The following YWHAE variants were observed in gnomAD, a reference collection of about 807,000 sequenced individuals.
The protein encoded by YWHAE is tyrosine 3-monooxygenase/tryptophan 5-monooxygenase activation protein epsilon, also known as 14-3-3 protein epsilon.
A neutral mutation model predicts 30.1 loss-of-function variants in YWHAE; 4 were observed. The observed-to-expected ratio is 0.13, with a 90% CI of 0.07 to 0.30. YWHAE has a LOEUF of 0.30. Among genes scored for constraint, YWHAE ranks in the 10% least tolerant of loss-of-function variants. The pLI is 1.00. For missense variants in YWHAE, 121 were observed against 315.9 expected, an observed-to-expected ratio of 0.38 and a Z score of 4.68; for synonymous variants, 118 against 111.8, an observed-to-expected ratio of 1.06 and a Z score of -0.35.
intron 1 of YWHAE, among the ~76,000 whole-genome samples, chr17:1,384,561 C>T (rs923037802): frequency 3.3e-5 from 5 of 151,848 alleles, no homozygotes; most frequent in Admixed American, 2.0e-4. Context: ...GGCATGGTGG[C>T]AGGCACCTGT....
intron 1 of YWHAE, among the ~76,000 whole-genome samples, chr17:1,375,785 G>A (rs772383200): frequency 2.6e-5 from 4 of 152,190 alleles, no homozygotes; most frequent in Non-Finnish European, 5.9e-5. Flanking sequence ...GCTGCCAGTA[G>A]AGTCACAAGT....
chr17:1,350,564 C>T (rs750013476), intron 5 of YWHAE, among the ~76,000 whole-genome samples: 4 of 151,856 alleles, frequency 2.6e-5, no homozygotes, highest in Non-Finnish European at 5.9e-5. Flanking sequence ...GTCTCAGCCT[C>T]CTGAGTAGCA....
At chr17:1,363,097 T>A (rs1331421953) in intron 2 of YWHAE, among the ~76,000 whole-genome samples, 1 of 152,140 alleles carries the variant, frequency 6.6e-6, no homozygotes, top group Non-Finnish European at 1.5e-5. Flanking sequence ...AGTTCTTTGC[T>A]CTCTACTCCT....
intron 1 of YWHAE, among the ~76,000 whole-genome samples, chr17:1,398,359 T>G (rs1222926471): frequency 2.1e-5 from 3 of 144,464 alleles, no homozygotes; most frequent in African/African-American, 5.0e-5. Flanking sequence ...GGAACCTTGT[T>G]GAATACAAAT....
rs564867116 is a variant in YWHAE at position 1,394,964 on chromosome 17, C to CA, written c.64+5082dup. ...CCTAGGTGACAGAGCAAGACTGTCT[C>CA]AAAAAAATAAATAAAAATAAAACTG... On this transcript the variant is annotated intron_variant, in intron 1 of 5. Transcript: ENST00000264335. Among the ~76,000 whole-genome samples the CA allele has an allele frequency of 4.1e-3, 617 of 151,738 alleles. 1 individual carries two copies. Among genetic ancestry groups the CA allele is most frequent in the African/African-American group, 0.014 (561 of 41,372 alleles).
chr17:1,367,890 A>G (rs1459095001), intron 1 of YWHAE, among the ~76,000 whole-genome samples: 1 of 152,200 alleles, frequency 6.6e-6, no homozygotes, highest in Non-Finnish European at 1.5e-5. Flanking sequence ...AGAATTGTAC[A>G]TGTAAAAGTG....
intron 3 of YWHAE, 88 bp from the exon 4 acceptor site, chr17:1,361,386 ATAT>A: frequency 2.7e-6 from 3 of 1,109,626 alleles, no homozygotes; most frequent in Non-Finnish European, 3.8e-6. Context: ...GTTCTATATT[ATAT>A]AAAATGTGAC....
At chr17:1,355,130 A>C (rs1393307241) in intron 4 of YWHAE, among the ~76,000 whole-genome samples, 16 of 102,084 alleles carry the variant, frequency 1.6e-4, no homozygotes, top group South Asian at 9.2e-4. Context: ...AAAAAAAAAA[A>C]AAAAAAAAAA....
chr17:1,387,578 G>A lies in YWHAE; in HGVS notation c.64+12469C>T, dbSNP rs2073317786. On this transcript the variant is annotated intron_variant, in intron 1 of 5. Transcript: ENST00000264335. ...TTACATTCAGATTTTTAAGAAGTTT[G>A]ACATGTTTTCTCAAGTGGTTGAGAG... Among the ~76,000 whole-genome samples, 3 of 152,048 alleles carry A rather than the reference G, an allele frequency of 2.0e-5. No individual in the cohort carries two copies. In the South Asian group the frequency reaches 6.2e-4, roughly 32 times the overall value.
chr17:1,359,800 G>A (rs964735689), intron 4 of YWHAE, among the ~76,000 whole-genome samples: 1 of 143,424 alleles, frequency 7.0e-6, no homozygotes, highest in Non-Finnish European at 1.5e-5. Context: ...TGTATTCGGT[G>A]CCACTAAATT....
At chr17:1,363,525 A>C (rs559675568) in intron 2 of YWHAE, among the ~76,000 whole-genome samples, 2 of 152,200 alleles carry the variant, frequency 1.3e-5, no homozygotes, top group African/African-American at 4.8e-5. Context: ...TTGGCCTCCC[A>C]AAGTGCTGGG....
At chr17:1,374,586 AG>A (rs1010038161) in intron 1 of YWHAE, among the ~76,000 whole-genome samples, 3 of 152,160 alleles carry the variant, frequency 2.0e-5, no homozygotes, top group Non-Finnish European at 2.9e-5. Context: ...CCACGTCCTC[AG>A]GAACACTTGT....
intron 1 of YWHAE, among the ~76,000 whole-genome samples, chr17:1,392,154 C>T (rs1194959610): frequency 6.6e-6 from 1 of 151,558 alleles, no homozygotes; most frequent in Non-Finnish European, 1.5e-5. Context: ...CACTGCATCC[C>T]AGCCTGAGTA....
intron 4 of YWHAE, among the ~76,000 whole-genome samples, chr17:1,358,774 G>A (rs1423904195): frequency 1.3e-5 from 2 of 148,786 alleles, no homozygotes; most frequent in Non-Finnish European, 3.0e-5. Context: ...AGGTTGCAGT[G>A]AGCTGCGATC....
chr17:1,355,285 T>G (rs1329280362), intron 4 of YWHAE, among the ~76,000 whole-genome samples: 2 of 148,114 alleles, frequency 1.4e-5, no homozygotes, highest in African/African-American at 5.0e-5. Flanking sequence ...GCCTCCCGAG[T>G]AGCCGGGACT....
intron 1 of YWHAE, among the ~76,000 whole-genome samples, chr17:1,382,685 T>G (rs903799482): frequency 4.6e-5 from 7 of 152,254 alleles, no homozygotes; most frequent in African/African-American, 1.7e-4. Context: ...TTACTTGATA[T>G]GGCTGTACTG....
chr17:1,366,934 T>TC (rs1362602142), intron 1 of YWHAE, among the ~76,000 whole-genome samples: 5 of 151,788 alleles, frequency 3.3e-5, no homozygotes, highest in African/African-American at 1.2e-4. Flanking sequence ...AGAGTGAGAC[T>TC]CCGTTTCAAA....
Position 1,398,402 on chromosome 17 carries a change from T to C in YWHAE, c.64+1645A>G, listed in dbSNP as rs116599699. 4.4e-3 allele frequency among the ~76,000 whole-genome samples: 644 copies of C among 146,832 alleles called. 3 individuals carry two copies. Among genetic ancestry groups the C allele is most frequent in the African/African-American group, 0.015 (607 of 40,804 alleles). On this transcript the variant is annotated intron_variant, in intron 1 of 5. Coordinates refer to ENST00000264335, the MANE Select transcript of YWHAE (RefSeq NM_006761.5). Reference sequence around the variant, plus strand: ...TAAGAATTTACAAGACGAAATTTAGTTCACTATATTTCCTAAATATGAGTT... The same window carrying C: ...TAAGAATTTACAAGACGAAATTTAGCTCACTATATTTCCTAAATATGAGTT...
intron 1 of YWHAE, among the ~76,000 whole-genome samples, chr17:1,381,864 G>A (rs1188840727): frequency 7.7e-6 from 1 of 129,074 alleles, no homozygotes; most frequent in African/African-American, 3.1e-5. Flanking sequence ...AGTGAGCCCA[G>A]ACTGGCCCAC....
Sources: gnomAD v4.1 joint callset for allele counts (sites outside exome capture counted in the v4.1 genomes callset) on GRCh38, gnomAD v4.1.1 for gene constraint, MANE v1.5 for transcripts, NCBI Gene and HGNC (gene_info 2026-07-23, HGNC 2026-07-21) for gene names.